TMEM248: variants seen among roughly 807,000 people sequenced by gnomAD.
The protein encoded by TMEM248 is transmembrane protein 248, also known as UPF0458 protein C7orf42.
TMEM248 carries 9 observed loss-of-function variants against 30.3 expected under a neutral mutation model. The observed-to-expected ratio is 0.30, with a 90% CI of 0.18 to 0.52. The LOEUF is 0.52. TMEM248 is among the 20% of genes least tolerant of loss of function. TMEM248 has a pLI of 0.97. For synonymous variants in TMEM248, 184 were observed against 154.4 expected (o/e 1.19, Z -1.42); for missense variants, 338 against 403.3 (o/e 0.84, Z 1.39).
chr7:66,921,869 G>C lies in TMEM248; in HGVS notation c.-19+408G>C, dbSNP rs532463369. ...AGAAAGGTGGGAGGGAGAGACTCAC[G>C]TACGTCCACAAAGTTAAATGGCATA... On this transcript the variant is annotated intron_variant, in intron 1 of 6. Transcript: ENST00000341567. 5 of 152,408 alleles carry C rather than the reference G, an allele frequency of 3.3e-5. No homozygotes were observed. The South Asian group carries it at 1.0e-3, about 32-fold the overall frequency. 9.4% of individuals were successfully genotyped at this position (152,408 alleles called of 1,614,324 possible).
chr7:66,940,204 TC>T lies in TMEM248; in HGVS notation c.-18-1643del, dbSNP rs558767347. On this transcript the variant is annotated intron_variant, in intron 1 of 6. Transcript: ENST00000341567. Reference sequence around the variant, plus strand: ...CCTGACCTCAAGTGATCCACCCGCCTCGGCCTCCCAAAGTGCTGGGATTACA... The same window carrying T: ...CCTGACCTCAAGTGATCCACCCGCCTGGCCTCCCAAAGTGCTGGGATTACA... Among the ~76,000 whole-genome samples, 83 of 152,238 alleles carry T rather than the reference TC, an allele frequency of 5.5e-4. 2 individuals are homozygous for T. In the East Asian group the frequency reaches 0.016, roughly 29 times the overall value.
Position 66,953,377 on chromosome 7 carries a change from G to A in TMEM248, c.924+8G>A. ...GAATTTTGTCCCGAGAAGGTGAGCGGTGGATGGGGTCCGGGCCAGCATTTT... is the reference window on the plus strand; with the variant it reads ...GAATTTTGTCCCGAGAAGGTGAGCGATGGATGGGGTCCGGGCCAGCATTTT... On this transcript the variant is annotated splice_region_variant and intron_variant, in intron 6 of 6. Coordinates refer to ENST00000341567, the MANE Select transcript of TMEM248 (RefSeq NM_017994.5). The A allele has an allele frequency of 5.0e-6, 8 of 1,613,618 alleles. No individual in the cohort carries two copies. The highest frequency in any genetic ancestry group is 6.8e-6 in the Non-Finnish European group (8 of 1,179,622).
intron 1 of TMEM248, among the ~76,000 whole-genome samples, chr7:66,934,353 G>A (rs920799494): frequency 6.6e-6 from 1 of 152,062 alleles, no homozygotes; most frequent in East Asian, 1.9e-4. Flanking sequence ...GGCACACGCC[G>A]CCATGCCCAG....
At chr7:66,948,400 T>C (rs1389812323) in intron 3 of TMEM248, 144 bp from the exon 4 acceptor site, 4 of 995,776 alleles carry the variant, frequency 4.0e-6, no homozygotes, top group Non-Finnish European at 5.9e-6. Context: ...TCAGGACTGC[T>C]CTTCTTCCTC....
chr7:66,949,357 CATGTCTGT>C (rs1562944417), intron 4 of TMEM248, among the ~76,000 whole-genome samples: 1 of 152,046 alleles, frequency 6.6e-6, no homozygotes, highest in Admixed American at 6.6e-5. Context: ...CATGATGGCA[CATGTCTGT>C]AATCCCAGCT....
chr7:66,923,203 T>G (rs191938504), intron 1 of TMEM248, among the ~76,000 whole-genome samples: 43 of 152,044 alleles, frequency 2.8e-4, no homozygotes, highest in African/African-American at 1.0e-3. Context: ...TGGAGTGCAG[T>G]GGCGCGAAGT....
chr7:66,921,947 T>A (rs914281068), intron 1 of TMEM248: 2 of 152,244 alleles, frequency 1.3e-5, no homozygotes, highest in African/African-American at 2.4e-5. Flanking sequence ...GTGGATTCTT[T>A]CTTCATGTTT....
Position 66,948,590 on chromosome 7 carries a change from A to C in TMEM248, c.492A>C (p.Thr164=). 1 of 1,614,148 alleles carries C rather than the reference A, an allele frequency of 6.2e-7. No individual in the cohort carries two copies. Among genetic ancestry groups the C allele is most frequent in the South Asian group, 1.1e-5 (1 of 91,068 alleles). Reference sequence around the variant, plus strand: ...TAAACATCACCTTCACCCTGCCTACAGCGTGGAGCTCAGATGACTGCGCCC... The same window carrying C: ...TAAACATCACCTTCACCCTGCCTACCGCGTGGAGCTCAGATGACTGCGCCC... ...EEINITFTLP[T]AWSSDDCALH... is the part of the protein sequence containing the mutation. The change falls in exon 4 of 7, where the codon ACA becomes ACC. Residue 164 remains threonine (T), a synonymous_variant. Transcript: ENST00000341567.
At chr7:66,949,292 G>A (rs1227883182) in intron 4 of TMEM248, among the ~76,000 whole-genome samples, 1 of 152,118 alleles carries the variant, frequency 6.6e-6, no homozygotes, top group Non-Finnish European at 1.5e-5. Flanking sequence ...TTCAAGACCA[G>A]CCTGGCCAAC....
At chr7:66,939,448 C>T (rs1791890001) in intron 1 of TMEM248, among the ~76,000 whole-genome samples, 1 of 152,198 alleles carries the variant, frequency 6.6e-6, no homozygotes, top group Non-Finnish European at 1.5e-5. Context: ...GTGAAAGTGG[C>T]ATGGAAAATG....
intron 3 of TMEM248, among the ~76,000 whole-genome samples, chr7:66,946,514 A>G (rs1792111222): frequency 6.6e-6 from 1 of 151,808 alleles, no homozygotes; most frequent in East Asian, 1.9e-4. Flanking sequence ...CTGGAGGCGG[A>G]GGCTGCAGTG....
intron 5 of TMEM248, 27 bp from the exon 6 acceptor site, chr7:66,953,199 C>A (rs548570134): frequency 1.2e-6 from 2 of 1,612,280 alleles, no homozygotes; most frequent in Non-Finnish European, 1.7e-6. Flanking sequence ...GCAGATGTTT[C>A]TGATTTTTTT....
Position 66,921,389 on chromosome 7 carries a change from A to T in TMEM248, c.-91A>T, listed in dbSNP as rs1012483139. ...GCCACGCGCCGCCACGAGTGAGCCC[A>T]GCGCGACCGCGGGCGTCCGCCGAGC... is the stretch of plus-strand genomic sequence containing the variant. On this transcript the variant is annotated 5_prime_UTR_variant, in exon 1 of 7. Coordinates refer to ENST00000341567, the MANE Select transcript of TMEM248 (RefSeq NM_017994.5). 3 of 149,574 alleles carry T rather than the reference A, an allele frequency of 2.0e-5. No homozygotes were observed. The highest frequency in any genetic ancestry group is 4.5e-5 in the Non-Finnish European group (3 of 67,306). 9.3% of individuals were successfully genotyped at this position (149,574 alleles called of 1,614,324 possible). A position where few individuals can be genotyped will look rare whatever the true frequency, so the allele number is the denominator to read the frequency against.
intron 3 of TMEM248, among the ~76,000 whole-genome samples, chr7:66,947,770 T>C (rs538825581): frequency 2.3e-4 from 35 of 152,208 alleles, no homozygotes; most frequent in African/African-American, 7.7e-4. Context: ...TTTAAAATTT[T>C]ATTTTAATTT....
intron 5 of TMEM248, among the ~76,000 whole-genome samples, 189 bp from the exon 6 acceptor site, chr7:66,953,037 C>T (rs1041208936): frequency 6.6e-6 from 1 of 152,110 alleles, no homozygotes; most frequent in Admixed American, 6.6e-5. Context: ...TCGGGAGCAC[C>T]ATGTCTTCAC....
At chr7:66,942,521 A>G (rs1045525229) in intron 2 of TMEM248, among the ~76,000 whole-genome samples, 3 of 152,286 alleles carry the variant, frequency 2.0e-5, no homozygotes, top group Middle Eastern at 3.4e-3. Flanking sequence ...TTTGAGACGG[A>G]GTCTCGCTCC....
At chr7:66,928,559 A>T (rs1026117629) in intron 1 of TMEM248, among the ~76,000 whole-genome samples, 1 of 152,206 alleles carries the variant, frequency 6.6e-6, no homozygotes, top group Non-Finnish European at 1.5e-5. Flanking sequence ...ATTAAAAAAT[A>T]TGTTAAGCGC....
chr7:66,953,939 C>CTTTTTTTTTTT (rs34925648), intron 6 of TMEM248, among the ~76,000 whole-genome samples: 1 of 83,984 alleles, frequency 1.2e-5, no homozygotes, highest in Non-Finnish European at 2.2e-5. Context: ...AGATTACTTT[C>CTTTTTTTTTTT]TTTTTTTTTT....
intron 1 of TMEM248, among the ~76,000 whole-genome samples, chr7:66,941,561 A>AACAC (rs72442084): frequency 0.047 from 6,734 of 142,720 alleles, 211 homozygotes; most frequent in African/African-American, 0.082. Context: ...TGTTTCTTAA[A>AACAC]ACACACACAC....
Sources: allele counts gnomAD v4.1 joint callset (sites outside exome capture counted in the v4.1 genomes callset), GRCh38; gene constraint gnomAD v4.1.1; transcripts MANE v1.5; gene names NCBI Gene and HGNC (gene_info 2026-07-23, HGNC 2026-07-21).